RABGAP1L: variants seen among roughly 807,000 people sequenced by gnomAD.
The protein encoded by RABGAP1L is RAB GTPase activating protein 1 like, also known as rab GTPase-activating protein 1-like.
In RABGAP1L, 63 loss-of-function variants were observed where a neutral mutation model predicts 137.7. The observed-to-expected ratio is 0.46, with a 90% CI of 0.37 to 0.56. The LOEUF is 0.56. RABGAP1L is among the 20% of genes least tolerant of loss of function. The pLI, the probability that RABGAP1L is intolerant of heterozygous loss-of-function variation, is 0.00. For synonymous variants in RABGAP1L, 431 were observed against 433.7 expected, an observed-to-expected ratio of 0.99 and a Z score of 0.08; for missense variants, 1,095 against 1,244.0, an observed-to-expected ratio of 0.88 and a Z score of 1.80.
chr1:174,492,412 G>A (rs567450902), intron 13 of RABGAP1L, among the ~76,000 whole-genome samples: 3 of 147,950 alleles, frequency 2.0e-5, no homozygotes, highest in Non-Finnish European at 4.4e-5. Flanking sequence ...GCAGTGGCAC[G>A]ATCTTGGCTC....
At chr1:174,302,363 T>C (rs1341797735) in intron 10 of RABGAP1L, among the ~76,000 whole-genome samples, 25 of 152,170 alleles carry the variant, frequency 1.6e-4, no homozygotes, top group Admixed American at 1.6e-3. Flanking sequence ...AATACTTTAC[T>C]TGCTTTTTGT....
chr1:174,460,995 A>G (rs1012462234), intron 13 of RABGAP1L, among the ~76,000 whole-genome samples: 4 of 152,038 alleles, frequency 2.6e-5, no homozygotes, highest in African/African-American at 7.2e-5. Context: ...TTATCTCACA[A>G]TTTACTCTGT....
At chr1:174,867,092 A>G (rs1651389166) in intron 19 of RABGAP1L, among the ~76,000 whole-genome samples, 1 of 151,950 alleles carries the variant, frequency 6.6e-6, no homozygotes, top group African/African-American at 2.4e-5. Context: ...TGTCTCAAAA[A>G]TGATAGATAG....
intron 18 of RABGAP1L, among the ~76,000 whole-genome samples, chr1:174,759,364 G>A (rs1685031816): frequency 6.6e-6 from 1 of 151,572 alleles, no homozygotes; most frequent in Non-Finnish European, 1.5e-5. Flanking sequence ...GGAGGCCAAG[G>A]TGGGCGGATC....
At position 174,989,956 on chromosome 1, in the gene RABGAP1L, A is replaced by G; in HGVS notation, c.3111A>G (p.Pro1037=). 6.5e-7 allele frequency: 1 copy of G among 1,549,692 alleles called. No individual in the cohort carries two copies. The highest frequency in any genetic ancestry group is 8.7e-7 in the Non-Finnish European group (1 of 1,146,028). Residue 1037 remains proline, a synonymous_variant, in exon 26 of 26, where the codon CCA becomes CCG. Transcript: ENST00000681986. ...NSIKTATGTQ[P]LQPAPVTQPP... is the part of the protein sequence containing the mutation. Reference sequence around the variant, plus strand: ...TCAAAACGGCCACGGGCACCCAGCCATTGCAGCCAGCACCGGTCACCCAGC... The same window carrying G: ...TCAAAACGGCCACGGGCACCCAGCCGTTGCAGCCAGCACCGGTCACCCAGC...
At chr1:174,161,564 T>C (rs1374455897) in intron 1 of RABGAP1L, among the ~76,000 whole-genome samples, 1 of 151,910 alleles carries the variant, frequency 6.6e-6, no homozygotes, top group Non-Finnish European at 1.5e-5. Flanking sequence ...GTAAGTCATA[T>C]GGGGAGAAGT....
At chr1:174,281,254 G>A (rs141416980) in intron 10 of RABGAP1L, among the ~76,000 whole-genome samples, 33 of 152,210 alleles carry the variant, frequency 2.2e-4, no homozygotes, top group Admixed American at 1.6e-3. Flanking sequence ...CCCAGCCTGC[G>A]CCCTGCTGAT....
intron 14 of RABGAP1L, among the ~76,000 whole-genome samples, chr1:174,666,153 T>C (rs1676769426): frequency 6.6e-6 from 1 of 152,212 alleles, no homozygotes; most frequent in East Asian, 1.9e-4. Context: ...CAAATAAATT[T>C]ATTCCACATA....
chr1:174,402,993 CAT>C (rs1026750589), intron 13 of RABGAP1L, among the ~76,000 whole-genome samples: 1 of 151,938 alleles, frequency 6.6e-6, no homozygotes, highest in Non-Finnish European at 1.5e-5. Flanking sequence ...GTTTATATAA[CAT>C]AGGAAATATT....
At chr1:174,361,380 A>G (rs901983622) in intron 11 of RABGAP1L, among the ~76,000 whole-genome samples, 1 of 152,040 alleles carries the variant, frequency 6.6e-6, no homozygotes, top group African/African-American at 2.4e-5. Flanking sequence ...GGTAGTCTGG[A>G]CATTTAAATG....
intron 15 of RABGAP1L, among the ~76,000 whole-genome samples, chr1:174,693,727 A>G (rs1040583503): frequency 6.6e-6 from 1 of 152,232 alleles, no homozygotes; most frequent in Non-Finnish European, 1.5e-5. Context: ...ACAGTAGTGA[A>G]AAAAATAAAC....
At chr1:174,559,804 T>C (rs1667093385) in intron 13 of RABGAP1L, among the ~76,000 whole-genome samples, 1 of 152,238 alleles carries the variant, frequency 6.6e-6, no homozygotes, top group Non-Finnish European at 1.5e-5. Flanking sequence ...CCAGTGGCCC[T>C]GGCACTGTGA....
chr1:174,958,891 G>A (rs1400406623), intron 20 of RABGAP1L, among the ~76,000 whole-genome samples: 2 of 152,174 alleles, frequency 1.3e-5, no homozygotes, highest in African/African-American at 2.4e-5. Context: ...TTCCTTGATG[G>A]ATTGTTACAA....
At chr1:174,439,200 A>G (rs1434029503) in intron 13 of RABGAP1L, among the ~76,000 whole-genome samples, 2 of 152,156 alleles carry the variant, frequency 1.3e-5, no homozygotes, top group Non-Finnish European at 2.9e-5. Flanking sequence ...ATATTATGCT[A>G]GATGTAGGTT....
chr1:174,484,730 C>G (rs968203992), intron 13 of RABGAP1L, among the ~76,000 whole-genome samples: 1 of 152,104 alleles, frequency 6.6e-6, no homozygotes, highest in African/African-American at 2.4e-5. Context: ...TCTAGGTTCT[C>G]TATTCTGTGC....
chr1:174,213,804 A>G (rs1669082997), intron 1 of RABGAP1L, among the ~76,000 whole-genome samples: 1 of 152,238 alleles, frequency 6.6e-6, no homozygotes, highest in Admixed American at 6.5e-5. Context: ...TTCGTGATAA[A>G]AACCCTTAAA....
intron 13 of RABGAP1L, among the ~76,000 whole-genome samples, chr1:174,600,487 A>G (rs1354870333): frequency 6.6e-6 from 1 of 152,234 alleles, no homozygotes; most frequent in East Asian, 1.9e-4. Flanking sequence ...AATCAAAAGC[A>G]AGCTAGTTAC....
chr1:174,795,642 T>C (rs745639111), intron 18 of RABGAP1L, among the ~76,000 whole-genome samples: 1 of 152,204 alleles, frequency 6.6e-6, no homozygotes, highest in Non-Finnish European at 1.5e-5. Context: ...AGTGGCTCAT[T>C]GCAGCCTTGG....
chr1:174,397,276 C>A (rs1216021257), intron 13 of RABGAP1L, among the ~76,000 whole-genome samples: 1 of 152,166 alleles, frequency 6.6e-6, no homozygotes, highest in Non-Finnish European at 1.5e-5. Context: ...TACTTTCTGC[C>A]AGTGAAGATT....
Sources: allele counts gnomAD v4.1 joint callset (sites outside exome capture counted in the v4.1 genomes callset), GRCh38; gene constraint gnomAD v4.1.1; transcripts MANE v1.5; gene names NCBI Gene and HGNC (gene_info 2026-07-23, HGNC 2026-07-21).